Variants in DNAH11 observed in about 807,000 individuals in gnomAD.
The protein encoded by DNAH11 is axonemal beta dynein heavy chain 11.
A neutral mutation model predicts 526.0 loss-of-function variants in DNAH11; 442 were observed. The ratio of observed to expected loss-of-function variants is 0.84; its 90% confidence interval spans 0.78 to 0.91. The LOEUF is 0.91. DNAH11 is among the 40% of genes least tolerant of loss of function. The pLI, the probability that DNAH11 is intolerant of heterozygous loss-of-function variation, is 0.00. For missense variants in DNAH11, 6,989 were observed against 5,448.7 expected (o/e 1.28, Z -8.90); for synonymous variants, 2,461 against 1,935.9 (o/e 1.27, Z -7.12).
intron 30 of DNAH11, among the ~76,000 whole-genome samples, chr7:21,673,099 A>G (rs1041533868): frequency 6.6e-6 from 1 of 152,222 alleles, no homozygotes; most frequent in South Asian, 2.1e-4. Context: ...AAGCATTTCT[A>G]TGTTTATATA....
At chr7:21,696,673 CAT>C (rs1347739999) in intron 35 of DNAH11, among the ~76,000 whole-genome samples, 6 of 152,238 alleles carry the variant, frequency 3.9e-5, no homozygotes, top group Non-Finnish European at 4.4e-5. Context: ...AAGCATTACT[CAT>C]GTGTGGAGGC....
At chr7:21,636,955 A>G (rs985640936) in intron 26 of DNAH11, among the ~76,000 whole-genome samples, 2 of 152,174 alleles carry the variant, frequency 1.3e-5, no homozygotes, top group African/African-American at 2.4e-5. Flanking sequence ...AGCACGTGGC[A>G]TGGTGCATGT....
chr7:21,719,895 G>A lies in DNAH11; in HGVS notation c.7135-830G>A, dbSNP rs370818857. ...AGGATCTGTAACAGTGCTAATTAAT[G>A]ACGACTTTCTGTGCTTTAGAGAGCT... On this transcript the variant is annotated intron_variant, in intron 43 of 81. Transcript: ENST00000409508. 2.8e-4 allele frequency among the ~76,000 whole-genome samples: 43 copies of A among 152,284 alleles called. 1 individual carries two copies. The South Asian group carries it at 8.5e-3, about 30-fold the overall frequency.
At chr7:21,583,253 A>G (rs1303333009) in intron 9 of DNAH11, among the ~76,000 whole-genome samples, 4 of 152,110 alleles carry the variant, frequency 2.6e-5, no homozygotes, top group Non-Finnish European at 5.9e-5. Context: ...GACCAATGGA[A>G]CAGAACAGAG....
At position 21,801,285 on chromosome 7, in the gene DNAH11, T is replaced by G. The variant is rs747004202; in HGVS notation, c.10165+10T>G. ...AAGGAACTTGAGGCAAGTTAAACCT[T>G]TTCTTCCAAACATTCTAACTAAAAT... On this transcript the variant is annotated intron_variant, in intron 62 of 81. Transcript: ENST00000409508. The G allele has an allele frequency of 6.2e-7, 1 of 1,613,580 alleles. No homozygotes were observed. Among genetic ancestry groups the G allele is most frequent in the Non-Finnish European group, 8.5e-7 (1 of 1,179,760 alleles).
intron 34 of DNAH11, among the ~76,000 whole-genome samples, chr7:21,689,834 G>C (rs1428284977): frequency 6.6e-6 from 1 of 152,168 alleles, no homozygotes; most frequent in Non-Finnish European, 1.5e-5. Context: ...CAATGCAAGA[G>C]ATCAGCCTTA....
At chr7:21,855,233 G>A (rs112036329) in intron 68 of DNAH11, among the ~76,000 whole-genome samples, 5,040 of 151,974 alleles carry the variant, frequency 0.033, 276 homozygotes, top group African/African-American at 0.11. Context: ...GGGTTTCACC[G>A]TGTTAGCCAG....
At chr7:21,815,852 G>T (rs979250765) in intron 63 of DNAH11, among the ~76,000 whole-genome samples, 3 of 151,734 alleles carry the variant, frequency 2.0e-5, no homozygotes, top group African/African-American at 7.3e-5. Flanking sequence ...CACCCCACTT[G>T]CCCCTCCCTC....
At chr7:21,750,872 A>T (rs980749593) in intron 54 of DNAH11, among the ~76,000 whole-genome samples, 1 of 152,164 alleles carries the variant, frequency 6.6e-6, no homozygotes, top group Non-Finnish European at 1.5e-5. Flanking sequence ...AAAGGCCTGG[A>T]ACATAGAGTT....
Position 21,728,271 on chromosome 7 carries a change from T to G in DNAH11, c.7440+2287T>G, listed in dbSNP as rs1228132397. On this transcript the variant is annotated intron_variant, in intron 45 of 81. Transcript: ENST00000409508. ...TTTTTTTTTTTTTTTTTTTTTTTTT[T>G]TTTTGAGACAGAGTCTTACTCTGTT... Among the ~76,000 whole-genome samples, 149 of 69,762 alleles carry G rather than the reference T, an allele frequency of 2.1e-3. 2 individuals carry two copies. The highest frequency in any genetic ancestry group is 8.5e-3 in the African/African-American group (141 of 16,612). The allele number at this position is 69,762 out of a possible 152,430, so 45.8% of individuals were successfully genotyped here.
chr7:21,832,720 G>A (rs1001181757), intron 65 of DNAH11, among the ~76,000 whole-genome samples: 1 of 152,204 alleles, frequency 6.6e-6, no homozygotes, highest in African/African-American at 2.4e-5. Context: ...GTTAGCCAAT[G>A]TGATCCTCTA....
At chr7:21,861,723 ATCC>A in intron 68 of DNAH11, 127 bp from the exon 69 acceptor site, 1 of 803,804 alleles carries the variant, frequency 1.2e-6, no homozygotes, top group Non-Finnish European at 1.9e-6. Context: ...AGAAACTATA[ATCC>A]TCCTAAAAAT....
At chr7:21,603,273 T>TGTCC (rs1216887220) in intron 18 of DNAH11, among the ~76,000 whole-genome samples, 1 of 152,268 alleles carries the variant, frequency 6.6e-6, no homozygotes, top group Non-Finnish European at 1.5e-5. Context: ...TTCCATTGTA[T>TGTCC]GTCCGTCCAT....
At chr7:21,849,828 G>A (rs1782554909) in intron 66 of DNAH11, among the ~76,000 whole-genome samples, 4 of 152,224 alleles carry the variant, frequency 2.6e-5, no homozygotes, top group South Asian at 4.1e-4. Flanking sequence ...TGTTCTATGG[G>A]TGTCCTGGAT....
intron 35 of DNAH11, among the ~76,000 whole-genome samples, chr7:21,693,810 A>G (rs1456333878): frequency 6.6e-6 from 1 of 152,164 alleles, no homozygotes; most frequent in Non-Finnish European, 1.5e-5. Context: ...TGGGTAATTT[A>G]TGAAGAAAAG....
chr7:21,744,757 C>A, intron 50 of DNAH11, 113 bp from the exon 51 acceptor site: 2 of 1,433,598 alleles, frequency 1.4e-6, no homozygotes, highest in South Asian at 2.7e-5. Flanking sequence ...GAACATTCCA[C>A]CCACCTACCC....
At chr7:21,678,778 G>A (rs1783013965) in intron 30 of DNAH11, among the ~76,000 whole-genome samples, 1 of 152,090 alleles carries the variant, frequency 6.6e-6, no homozygotes. Context: ...CCTCCTTGGT[G>A]GTTGGTAGGA....
intron 4 of DNAH11, among the ~76,000 whole-genome samples, chr7:21,560,699 C>T (rs149886182): frequency 0.018 from 2,723 of 152,252 alleles, 79 homozygotes; most frequent in African/African-American, 0.061. Context: ...GGTGCCCACC[C>T]AGATTGAGGG....
At chr7:21,742,188 A>G (rs772506891) in intron 49 of DNAH11, 22 bp downstream of exon 49, 1 of 1,611,534 alleles carries the variant, frequency 6.2e-7, no homozygotes. Context: ...GCTCTATGTT[A>G]TGCCTCTTGA....
Sources: gnomAD v4.1 joint callset for allele counts (sites outside exome capture counted in the v4.1 genomes callset) on GRCh38, gnomAD v4.1.1 for gene constraint, MANE v1.5 for transcripts, NCBI Gene and HGNC (gene_info 2026-07-23, HGNC 2026-07-21) for gene names.